Variants in CHL1 observed in about 807,000 individuals in gnomAD.
CHL1 encodes the protein cell adhesion molecule L1 like.
CHL1 carries 96 observed loss-of-function variants against 141.9 expected under a neutral mutation model. The observed-to-expected ratio is 0.68, with a 90% CI of 0.57 to 0.80. The LOEUF (loss-of-function observed/expected upper bound fraction) is 0.80. CHL1 is among the 30% of genes least tolerant of loss of function. CHL1 has a pLI of 0.00. For missense variants in CHL1, 1,820 were observed against 1,457.2 expected (o/e 1.25, Z -4.05); for synonymous variants, 613 against 502.2 (o/e 1.22, Z -2.95).
chr3:385,845 A>AAG (rs1553603402), intron 19 of CHL1: 4 of 149,104 alleles, frequency 2.7e-5, no homozygotes, highest in Non-Finnish European at 5.9e-5. Context: ...AAAAAAAAAA[A>AAG]GCATTTAAAA....
rs185181895 is a variant in CHL1 at position 335,515 on chromosome 3, T to G, written c.386-5279T>G. 2.9e-3 allele frequency among the ~76,000 whole-genome samples: 442 copies of G among 152,308 alleles called. 2 individuals carry two copies. The highest frequency in any genetic ancestry group is 6.8e-3 in the Middle Eastern group (2 of 294). On this transcript the variant is annotated intron_variant, in intron 5 of 27. Coordinates refer to ENST00000256509, the MANE Select transcript of CHL1 (RefSeq NM_006614.4). The stretch of plus-strand genomic sequence containing the variant: ...GATAAAGTATGTGCACTCAGTAGCA[T>G]GCAGTTGTGACAATGATGGCAGACT...
intron 2 of CHL1, among the ~76,000 whole-genome samples, chr3:293,233 G>A (rs916822205): frequency 1.3e-5 from 2 of 152,174 alleles, no homozygotes; most frequent in African/African-American, 2.4e-5. Flanking sequence ...TGAGTGCAGC[G>A]GCTCATGCTT....
At position 333,133 on chromosome 3, in the gene CHL1, A is replaced by ATTTTTTTT. The variant is rs58730049; in HGVS notation, c.385+4784_385+4791dup. ...GTTGGATAATTGCTCTATTTTTTTT[A>ATTTTTTTT]TTTTTTTTTTTTGCTGCTGCTGCAG... is the stretch of plus-strand genomic sequence containing the variant. On this transcript the variant is annotated intron_variant, in intron 5 of 27. Coordinates refer to ENST00000256509, the MANE Select transcript of CHL1 (RefSeq NM_006614.4). Among the ~76,000 whole-genome samples, 2 of 99,480 alleles carry ATTTTTTTT rather than the reference A, an allele frequency of 2.0e-5. 1 individual carries two copies. The highest frequency in any genetic ancestry group is 2.9e-4 in the Admixed American group (2 of 6,900). The allele number at this position is 99,480 out of a possible 152,430, so 65.3% of individuals were successfully genotyped here.
At chr3:354,433 G>GCACACA (rs3836376) in intron 10 of CHL1, among the ~76,000 whole-genome samples, 53 of 149,496 alleles carry the variant, frequency 3.5e-4, no homozygotes, top group African/African-American at 1.1e-3. Context: ...TTAAACACAA[G>GCACACA]CACACACACA....
intron 2 of CHL1, among the ~76,000 whole-genome samples, chr3:295,118 T>A (rs1422003403): frequency 1.3e-5 from 2 of 152,230 alleles, no homozygotes; most frequent in South Asian, 4.1e-4. Flanking sequence ...AGGAGTCTAC[T>A]GGGTCGTTTC....
intron 1 of CHL1, among the ~76,000 whole-genome samples, chr3:233,218 G>A (rs887823422): frequency 1.3e-5 from 2 of 152,060 alleles, no homozygotes; most frequent in African/African-American, 4.8e-5. Context: ...CATTCTGTGC[G>A]ATCCAACTTT....
chr3:270,818 G>C (rs1695569619), intron 2 of CHL1, among the ~76,000 whole-genome samples: 1 of 152,202 alleles, frequency 6.6e-6, no homozygotes. Flanking sequence ...GTGGACGTCT[G>C]CTGCCAACTG....
chr3:344,812 T>C (rs570791501), intron 9 of CHL1, 103 bp downstream of exon 9: 2 of 1,233,332 alleles, frequency 1.6e-6, no homozygotes, highest in South Asian at 3.3e-5. Flanking sequence ...TTTAAAATTA[T>C]TTCCTTAAAA....
At chr3:347,965 C>T (rs1361449066) in intron 9 of CHL1, among the ~76,000 whole-genome samples, 1 of 152,130 alleles carries the variant, frequency 6.6e-6, no homozygotes, top group Admixed American at 6.5e-5. Flanking sequence ...TCTTTACCTC[C>T]AATTTTTTTT....
chr3:388,908 G>A (rs555702432), intron 19 of CHL1, among the ~76,000 whole-genome samples: 43 of 152,348 alleles, frequency 2.8e-4, no homozygotes, highest in African/African-American at 9.4e-4. Context: ...TGAAAAGGCG[G>A]AATGTAGTGG....
At chr3:296,596 C>T (rs1052041120) in intron 2 of CHL1, among the ~76,000 whole-genome samples, 9 of 152,136 alleles carry the variant, frequency 5.9e-5, no homozygotes, top group African/African-American at 1.9e-4. Flanking sequence ...CTGTGACTAT[C>T]CACACTTGGG....
At chr3:228,339 C>T (rs528429331) in intron 1 of CHL1, among the ~76,000 whole-genome samples, 43 of 152,278 alleles carry the variant, frequency 2.8e-4, no homozygotes, top group African/African-American at 9.4e-4. Context: ...ACCTTAAAGG[C>T]TTACCCCAAC....
At chr3:228,948 C>G (rs1701623992) in intron 1 of CHL1, among the ~76,000 whole-genome samples, 1 of 152,106 alleles carries the variant, frequency 6.6e-6, no homozygotes, top group South Asian at 2.1e-4. Context: ...TGATTTAAAT[C>G]TTTAGATTCT....
intron 1 of CHL1, among the ~76,000 whole-genome samples, chr3:236,405 T>C (rs1021399179): frequency 6.6e-6 from 1 of 152,116 alleles, no homozygotes; most frequent in Non-Finnish European, 1.5e-5. Context: ...AGGTCAGCCT[T>C]CTATAGGGAA....
At chr3:381,344 T>G (rs1040852792) in intron 16 of CHL1, among the ~76,000 whole-genome samples, 2 of 152,090 alleles carry the variant, frequency 1.3e-5, no homozygotes, top group Non-Finnish European at 2.9e-5. Flanking sequence ...ACCAACCCAG[T>G]GCAGTAAGAC....
Position 319,685 on chromosome 3 carries a change from TC to T in CHL1, c.-90del. On this transcript the variant is annotated 5_prime_UTR_variant, in exon 3 of 28. Transcript: ENST00000256509. ...TGTTATTCTGTTTGTGTTTTTAGTTTCCAGGTTAACTAAGGTCTCAGCTGTA... is the reference window on the plus strand; with the variant it reads ...TGTTATTCTGTTTGTGTTTTTAGTTTCAGGTTAACTAAGGTCTCAGCTGTA... The T allele has an allele frequency of 1.4e-6, 1 of 721,466 alleles. No individual in the cohort carries two copies. The allele number at this position is 721,466 out of a possible 1,614,324, so 44.7% of individuals were successfully genotyped here. A position where few individuals can be genotyped will look rare whatever the true frequency, so the allele number is the denominator to read the frequency against.
chr3:328,437 A>C, intron 5 of CHL1, 83 bp downstream of exon 5: 1 of 1,181,784 alleles, frequency 8.5e-7, no homozygotes. Flanking sequence ...CAATGAAATA[A>C]AGCAGTTATT....
intron 2 of CHL1, among the ~76,000 whole-genome samples, chr3:292,827 C>G (rs923444344): frequency 1.3e-5 from 2 of 152,124 alleles, no homozygotes. Context: ...AACCAGATCT[C>G]AAGAGAACTC....
chr3:218,469 G>A (rs1371381320), intron 1 of CHL1, among the ~76,000 whole-genome samples: 3 of 152,132 alleles, frequency 2.0e-5, no homozygotes, highest in Admixed American at 2.0e-4. Flanking sequence ...TAGAGAAGAT[G>A]TTACCCACAT....
Sources: gnomAD v4.1 joint callset for allele counts (sites outside exome capture counted in the v4.1 genomes callset) on GRCh38, gnomAD v4.1.1 for gene constraint, MANE v1.5 for transcripts, NCBI Gene and HGNC (gene_info 2026-07-23, HGNC 2026-07-21) for gene names.